MAN1C1: variants seen among roughly 807,000 people sequenced by gnomAD.
The protein encoded by MAN1C1 is mannosidase alpha class 1C member 1.
MAN1C1 carries 49 observed loss-of-function variants against 71.5 expected under a neutral mutation model. The ratio of observed to expected loss-of-function variants is 0.69; its 90% CI spans 0.54 to 0.87. MAN1C1 has a LOEUF of 0.87. MAN1C1 is among the 40% of genes least tolerant of loss of function. MAN1C1 has a pLI of 0.00. For synonymous variants in MAN1C1, 352 were observed against 343.7 expected, an observed-to-expected ratio of 1.02 and a Z score of -0.27; for missense variants, 743 against 835.0, an observed-to-expected ratio of 0.89 and a Z score of 1.36.
At chr1:25,693,209 A>G (rs2046330081) in intron 2 of MAN1C1, among the ~76,000 whole-genome samples, 1 of 152,238 alleles carries the variant, frequency 6.6e-6, no homozygotes. Context: ...GAGAAAATAT[A>G]TTCACTGTCC....
intron 2 of MAN1C1, among the ~76,000 whole-genome samples, chr1:25,737,914 A>G (rs1173873993): frequency 6.6e-6 from 1 of 152,176 alleles, no homozygotes; most frequent in African/African-American, 2.4e-5. Context: ...TGGGTCAAGC[A>G]TCACTTTGCA....
At chr1:25,750,550 C>T (rs1278600632) in intron 4 of MAN1C1, among the ~76,000 whole-genome samples, 2 of 152,324 alleles carry the variant, frequency 1.3e-5, no homozygotes, top group East Asian at 3.9e-4. Flanking sequence ...GTCATTTCCG[C>T]TTCCCTTCAT....
chr1:25,620,840 G>C (rs1405588825), intron 1 of MAN1C1, among the ~76,000 whole-genome samples: 1 of 152,200 alleles, frequency 6.6e-6, no homozygotes, highest in Non-Finnish European at 1.5e-5. Context: ...CCCGAGAGAT[G>C]GACATGGTCA....
At chr1:25,692,521 G>T (rs2046322386) in intron 2 of MAN1C1, among the ~76,000 whole-genome samples, 1 of 152,176 alleles carries the variant, frequency 6.6e-6, no homozygotes, top group Non-Finnish European at 1.5e-5. Flanking sequence ...GCCCATAGCT[G>T]TATTCCCTTT....
Position 25,638,850 on chromosome 1 carries a change from C to T in MAN1C1, c.540+20513C>T, listed in dbSNP as rs1025620547. On this transcript the variant is annotated intron_variant, in intron 1 of 11. Coordinates refer to ENST00000374332, the MANE Select transcript of MAN1C1 (RefSeq NM_020379.4). ...GACTATTGTAGTTAGGTGTGATTGT[C>T]GTTGTTGATCTTTCTTGGGGTTTCT... is the stretch of plus-strand genomic sequence containing the variant. Among the ~76,000 whole-genome samples the T allele has an allele frequency of 3.9e-5, 6 of 151,932 alleles. 1 individual carries two copies. The highest frequency in any genetic ancestry group is 4.2e-4 in the South Asian group (2 of 4,804).
intron 1 of MAN1C1, among the ~76,000 whole-genome samples, chr1:25,663,629 G>A (rs2045881654): frequency 6.6e-6 from 1 of 152,106 alleles, no homozygotes; most frequent in South Asian, 2.1e-4. Context: ...AGATATGGGG[G>A]GATTACTGCA....
Position 25,778,657 on chromosome 1 carries a change from C to A in MAN1C1, c.1477+333C>A, listed in dbSNP as rs574912161. 9.2e-5 allele frequency among the ~76,000 whole-genome samples: 14 copies of A among 152,128 alleles called. No homozygotes were observed. Among genetic ancestry groups the A allele is most frequent in the Non-Finnish European group, 1.8e-4 (12 of 68,016 alleles). On this transcript the variant is annotated intron_variant, in intron 9 of 11. Coordinates refer to ENST00000374332, the MANE Select transcript of MAN1C1 (RefSeq NM_020379.4). This position sits in a 1 kb window ranked among gnomAD's most constrained non-coding sequence, Gnocchi z 5.5. ...TTGAGAGGGGCACAGAGTAAAGGAT[C>A]CTCCAGCCCCGGAGGCAGAAACGGC...
chr1:25,772,560 A>G (rs1486575461), intron 8 of MAN1C1, among the ~76,000 whole-genome samples: 4 of 152,172 alleles, frequency 2.6e-5, no homozygotes, highest in Non-Finnish European at 5.9e-5. Context: ...GTTTCCCCAT[A>G]AAGCAAGTTG....
chr1:25,692,071 G>C lies in MAN1C1; in HGVS notation c.637+5535G>C, dbSNP rs762493140. On this transcript the variant is annotated intron_variant, in intron 2 of 11. Transcript: ENST00000374332. ...CTCATTTAGAGTTGAGGAAACCAAG[G>C]CTCAGAGAGGGGAAAGGGCTTGCCT... Among the ~76,000 whole-genome samples, 4 of 152,346 alleles carry C rather than the reference G, an allele frequency of 2.6e-5. No individual in the cohort carries two copies. In the East Asian group the frequency reaches 7.7e-4, roughly 29 times the overall value.
rs33932251 is a variant in MAN1C1, at chr1:25,690,288, C to CTTTTTTTTTTT, written c.637+3764_637+3774dup. Among the ~76,000 whole-genome samples, 3 of 119,762 alleles carry CTTTTTTTTTTT rather than the reference C, an allele frequency of 2.5e-5. 1 individual carries two copies. The highest frequency in any genetic ancestry group is 1.7e-5 in the Non-Finnish European group (1 of 60,470). The allele number at this position is 119,762 out of a possible 152,430, so 78.6% of individuals were successfully genotyped here. ...CTCAGGCTAAGGCTGATCTCTGCCT[C>CTTTTTTTTTTT]TTTTTTTTTTTTTTTTTTTTTTGAG... is the stretch of plus-strand genomic sequence containing the variant. On this transcript the variant is annotated intron_variant, in intron 2 of 11. Transcript: ENST00000374332.
chr1:25,745,670 A>G (rs1441577961), intron 2 of MAN1C1, among the ~76,000 whole-genome samples: 1 of 152,198 alleles, frequency 6.6e-6, no homozygotes, highest in Non-Finnish European at 1.5e-5. Flanking sequence ...GCTACAACTA[A>G]TCTTGAAGAG....
Position 25,746,819 on chromosome 1 carries a change from G to GGGCCGCC in MAN1C1, c.753+40_753+41insGCCGGCC. 2.8e-6 allele frequency: 2 copies of GGGCCGCC among 725,090 alleles called. No individual in the cohort carries two copies. Among genetic ancestry groups the GGGCCGCC allele is most frequent in the Non-Finnish European group, 2.3e-6 (1 of 441,172 alleles). The allele number at this position is 725,090 out of a possible 1,614,324, so 44.9% of individuals were successfully genotyped here. A position where few individuals can be genotyped will look rare whatever the true frequency, so the allele number is the denominator to read the frequency against. On this transcript the variant is annotated intron_variant, in intron 3 of 11. Transcript: ENST00000374332. This position sits in a 1 kb window ranked among gnomAD's most constrained non-coding sequence, Gnocchi z 4.0. ...GGCCCTCGGCGGGGGAGGGGGGCGG[G>GGGCCGCC]GGCCAGAAGAGGCCCAACAGCCAGC...
intron 10 of MAN1C1, among the ~76,000 whole-genome samples, chr1:25,781,737 C>T (rs1046236947): frequency 8.6e-5 from 13 of 151,846 alleles, no homozygotes; most frequent in East Asian, 1.9e-4. Flanking sequence ...TGCACTCAGA[C>T]GGGGTCCAGG....
chr1:25,754,713 C>T (rs1394689338), intron 5 of MAN1C1, among the ~76,000 whole-genome samples: 1 of 152,174 alleles, frequency 6.6e-6, no homozygotes, highest in Non-Finnish European at 1.5e-5. Flanking sequence ...GCTCCCCCTC[C>T]CCGGGTCTGG....
chr1:25,753,406 C>G lies in MAN1C1; in HGVS notation c.835-78C>G, dbSNP rs2047242738. On this transcript the variant is annotated intron_variant, in intron 4 of 11. Transcript: ENST00000374332. This position sits in a 1 kb window ranked among gnomAD's most constrained non-coding sequence, Gnocchi z 4.9. ...AGACCTGCAGCCCTGGGGGGTTCAT[C>G]CTGCCTGCAGCAGTTCTGGGGTTGA... The G allele has an allele frequency of 1.8e-6, 2 of 1,110,026 alleles. No homozygotes were observed. The highest frequency in any genetic ancestry group is 4.6e-5 in the Admixed American group (2 of 43,902). 68.8% of individuals were successfully genotyped at this position (1,110,026 alleles called of 1,614,324 possible). A position where few individuals can be genotyped will look rare whatever the true frequency, so the allele number is the denominator to read the frequency against.
chr1:25,699,294 C>A (rs1161466848), intron 2 of MAN1C1, among the ~76,000 whole-genome samples: 1 of 149,480 alleles, frequency 6.7e-6, no homozygotes, highest in African/African-American at 2.5e-5. Flanking sequence ...GAGCGAAACT[C>A]CATCTTAAAT....
chr1:25,657,558 TTAAGAC>T (rs1373928780), intron 1 of MAN1C1, among the ~76,000 whole-genome samples: 2 of 152,252 alleles, frequency 1.3e-5, no homozygotes, highest in African/African-American at 4.8e-5. Context: ...ATTTGTCACT[TTAAGAC>T]TAAGGGCTTC....
At chr1:25,745,713 G>A (rs2047119403) in intron 2 of MAN1C1, among the ~76,000 whole-genome samples, 1 of 152,182 alleles carries the variant, frequency 6.6e-6, no homozygotes, top group African/African-American at 2.4e-5. Context: ...TTTTGGGCCA[G>A]GTGCAGTGGC....
chr1:25,665,261 A>G (rs1371210287), intron 1 of MAN1C1, among the ~76,000 whole-genome samples: 1 of 152,130 alleles, frequency 6.6e-6, no homozygotes. Flanking sequence ...CCTGAGACAC[A>G]CGTACACATG....
Sources: gnomAD v4.1 joint callset for allele counts (sites outside exome capture counted in the v4.1 genomes callset) on GRCh38, gnomAD v4.1.1 for gene constraint, Gnocchi (gnomAD v3.1) non-coding constraint, MANE v1.5 for transcripts, NCBI Gene and HGNC (gene_info 2026-07-23, HGNC 2026-07-21) for gene names.